Variants in GAD1 observed in about 807,000 individuals in gnomAD.
The protein encoded by GAD1 is glutamate decarboxylase 1, also known as 67 kDa glutamic acid decarboxylase.
In GAD1, 35 loss-of-function variants were observed where a neutral mutation model predicts 75.2. The observed-to-expected ratio is 0.47, with a 90% CI of 0.36 to 0.62. GAD1 has a LOEUF of 0.62. Among genes scored for constraint, GAD1 ranks in the 20% least tolerant of loss-of-function variants. GAD1 has a pLI of 0.00. For synonymous variants in GAD1, 257 were observed against 271.9 expected, an observed-to-expected ratio of 0.95 and a Z score of 0.54; for missense variants, 490 against 758.5, an observed-to-expected ratio of 0.65 and a Z score of 4.16.
chr2:170,825,943 A>T (rs984718318), intron 3 of GAD1, among the ~76,000 whole-genome samples: 1 of 152,120 alleles, frequency 6.6e-6, no homozygotes, highest in Non-Finnish European at 1.5e-5. Flanking sequence ...TAGCCAGGGA[A>T]ATTGTCAAGG....
At chr2:170,821,940 T>G in intron 2 of GAD1, 147 bp from the exon 3 acceptor site, 3 of 710,534 alleles carry the variant, frequency 4.2e-6, no homozygotes, top group South Asian at 3.1e-5. Flanking sequence ...CTCACAGATT[T>G]GGCTCCTAGC....
At chr2:170,832,501 C>T (rs1183009853) in intron 5 of GAD1, among the ~76,000 whole-genome samples, 2 of 152,132 alleles carry the variant, frequency 1.3e-5, no homozygotes, top group South Asian at 2.1e-4. Context: ...TCCGCAAAGA[C>T]CCGATTTCCA....
At position 170,830,984 on chromosome 2, in the gene GAD1, C is replaced by A; in HGVS notation, c.339C>A (p.Thr113=). Residue 113 remains threonine, a synonymous_variant, in exon 5 of 17, where the codon ACC becomes ACA. Coordinates refer to ENST00000358196, the MANE Select transcript of GAD1 (RefSeq NM_000817.3). ...CGGCTAAGAACGGTGAGGAGCAAAC[C>A]GTGCAATTCCTCCTGGAAGTGGTGG... ...LLPAKNGEEQ[T]VQFLLEVVDI... The A allele has an allele frequency of 1.2e-6, 2 of 1,614,144 alleles. No homozygotes were observed. The highest frequency in any genetic ancestry group is 1.7e-6 in the Non-Finnish European group (2 of 1,180,036).
At chr2:170,845,820 G>A (rs1301352941) in intron 9 of GAD1, 35 bp downstream of exon 9, 18 of 1,588,030 alleles carry the variant, frequency 1.1e-5, no homozygotes, top group Non-Finnish European at 1.5e-5. Flanking sequence ...GGTTCTTGAT[G>A]TATTAAATGT....
In GAD1 at chr2:170,822,123, C is replaced by T; in HGVS notation, c.119C>T (p.Thr40Ile). ...DTWCGVAHGC[T>I]RKLGLKICGF... ...TGGTGCGGCGTGGCCCATGGATGCA[C>T]CAGAAAACTGGGGCTCAAGATCTGC... The change falls in exon 3 of 17, where the codon ACC becomes ATC. Residue 40 changes from threonine to isoleucine, a missense_variant. Thr to Ile is a moderately conservative substitution (Grantham distance 89). Coordinates refer to ENST00000358196, the MANE Select transcript of GAD1 (RefSeq NM_000817.3). 4 of 1,612,520 alleles carry T rather than the reference C, an allele frequency of 2.5e-6. No individual in the cohort carries two copies. The highest frequency in any genetic ancestry group is 1.1e-5 in the South Asian group (1 of 90,604).
At chr2:170,846,904 T>C (rs1329099955) in intron 10 of GAD1, among the ~76,000 whole-genome samples, 1 of 151,936 alleles carries the variant, frequency 6.6e-6, no homozygotes, top group Non-Finnish European at 1.5e-5. Flanking sequence ...GCCACTCAGG[T>C]GAGGTAGGAG....
At chr2:170,840,658 A>AAGGGAGGTAGGGAAGGCAGGGAGGG (rs1553578766) in intron 6 of GAD1, among the ~76,000 whole-genome samples, 1 of 77,320 alleles carries the variant, frequency 1.3e-5, no homozygotes, top group Non-Finnish European at 2.6e-5. Context: ...GGAGGTAGGG[A>AAGGGAGGTAGGGAAGGCAGGGAGGG]AGGGAGGGAG....
upstream of GAD1, among the ~76,000 whole-genome samples, chr2:170,813,711 C>A (rs1000971113): frequency 2.6e-5 from 4 of 152,164 alleles, no homozygotes; most frequent in Non-Finnish European, 5.9e-5. Context: ...GCCCCAAATC[C>A]GGTTGGAATA....
At chr2:170,819,472 C>A (rs1701806451) in intron 2 of GAD1, among the ~76,000 whole-genome samples, 1 of 151,900 alleles carries the variant, frequency 6.6e-6, no homozygotes, top group African/African-American at 2.4e-5. Context: ...AAAGAGACAC[C>A]AGATAAAAGA....
intron 12 of GAD1, among the ~76,000 whole-genome samples, chr2:170,849,889 G>A (rs906511838): frequency 1.6e-4 from 25 of 152,228 alleles, no homozygotes; most frequent in Non-Finnish European, 3.4e-4. Flanking sequence ...TCCTCATTAA[G>A]CTTACTTCCA....
chr2:170,851,430 C>T (rs1702741701), intron 12 of GAD1, among the ~76,000 whole-genome samples: 1 of 152,172 alleles, frequency 6.6e-6, no homozygotes, highest in Non-Finnish European at 1.5e-5. Context: ...TCACAGGTCT[C>T]TTTCACAAAG....
intron 1 of GAD1, 177 bp downstream of exon 1, chr2:170,817,225 A>ACCACCC (rs1701723089): frequency 6.5e-5 from 1 of 15,472 alleles, no homozygotes; most frequent in African/African-American, 1.6e-4. Context: ...CTGCGCAGGG[A>ACCACCC]CCCCCCCCCC....
intron 10 of GAD1, among the ~76,000 whole-genome samples, chr2:170,847,206 TAAAAC>T (rs1417927692): frequency 1.3e-5 from 2 of 152,234 alleles, no homozygotes; most frequent in Admixed American, 6.5e-5. Flanking sequence ...TCAATACACT[TAAAAC>T]AACACAGCCT....
chr2:170,842,681 T>C, intron 6 of GAD1: 2 of 1,612,408 alleles, frequency 1.2e-6, no homozygotes, highest in Non-Finnish European at 1.7e-6. Context: ...TTTCCAAGGG[T>C]CTTCCTCCTA....
Position 170,818,091 on chromosome 2 carries a change from C to A in GAD1, c.-63-438C>A, listed in dbSNP as rs148155934. On this transcript the variant is annotated intron_variant, in intron 1 of 16. Transcript: ENST00000358196. This position sits in a 1 kb window ranked among gnomAD's most constrained non-coding sequence, Gnocchi z 5.9. ...CATGCCCGCCCCGTGCGCCCTCCCC[C>A]CGCTGGCCCACACGCCGGCTGCTGA... 5.3e-5 allele frequency: 9 copies of A among 170,974 alleles called. No homozygotes were observed. The highest frequency in any genetic ancestry group is 1.7e-4 in the East Asian group (1 of 5,804). The allele number at this position is 170,974 out of a possible 1,614,324, so 10.6% of individuals were successfully genotyped here.
intron 14 of GAD1, among the ~76,000 whole-genome samples, chr2:170,855,566 G>T (rs997890882): frequency 6.6e-6 from 1 of 150,908 alleles, no homozygotes; most frequent in Non-Finnish European, 1.5e-5. Context: ...AGTAATCATA[G>T]GAATTTTAAA....
upstream of GAD1, among the ~76,000 whole-genome samples, chr2:170,813,923 TC>T: frequency 6.6e-6 from 1 of 152,268 alleles, no homozygotes; most frequent in African/African-American, 2.4e-5. Flanking sequence ...GCCCCCTCCT[TC>T]TTCTGCCTTT....
rs750859440 is a variant in GAD1 at position 170,818,565 on chromosome 2, A to T, written c.-27A>T. The stretch of plus-strand genomic sequence containing the variant: ...GCCGGACCAGTCGAGGACTCTGGAC[A>T]GTAGAGGCCCCGGGACGACCGAGCT... On this transcript the variant is annotated 5_prime_UTR_variant, in exon 2 of 17. Transcript: ENST00000358196. This position sits in a 1 kb window ranked among gnomAD's most constrained non-coding sequence, Gnocchi z 5.9. 8.7e-6 allele frequency: 14 copies of T among 1,608,638 alleles called. No homozygotes were observed. Among genetic ancestry groups the T allele is most frequent in the Non-Finnish European group, 1.2e-5 (14 of 1,174,958 alleles).
At chr2:170,844,924 A>G (rs887950578) in intron 7 of GAD1, among the ~76,000 whole-genome samples, 1 of 152,172 alleles carries the variant, frequency 6.6e-6, no homozygotes, top group Non-Finnish European at 1.5e-5. Context: ...GGCCAAACAT[A>G]CATAGTTATG....
Sources: gnomAD v4.1 joint callset for allele counts (sites outside exome capture counted in the v4.1 genomes callset) on GRCh38, gnomAD v4.1.1 for gene constraint, Gnocchi (gnomAD v3.1) non-coding constraint, MANE v1.5 for transcripts, NCBI Gene and HGNC (gene_info 2026-07-23, HGNC 2026-07-21) for gene names.